TMBIM1: variants seen among roughly 807,000 people sequenced by gnomAD.
TMBIM1 encodes the protein protein lifeguard 3.
Under a neutral mutation model 45.1 loss-of-function variants are expected in TMBIM1, and 34 were observed. The observed-to-expected ratio is 0.75, with a 90% CI of 0.57 to 1.00. TMBIM1 has a LOEUF of 1.00. Ranked by LOEUF, TMBIM1 falls within the 50% of genes least tolerant of loss-of-function variation. The pLI, the probability that TMBIM1 is intolerant of heterozygous loss-of-function variation, is 0.00. For synonymous variants in TMBIM1, 157 were observed against 153.5 expected, an observed-to-expected ratio of 1.02 and a Z score of -0.17; for missense variants, 374 against 402.4, an observed-to-expected ratio of 0.93 and a Z score of 0.60.
At chr2:218,281,563 G>A (rs1691995929) in intron 2 of TMBIM1, among the ~76,000 whole-genome samples, 1 of 152,246 alleles carries the variant, frequency 6.6e-6, no homozygotes, top group South Asian at 2.1e-4. Context: ...GGTTCCCAAA[G>A]GAGTTCCTAA....
At position 218,288,211 on chromosome 2, in the gene TMBIM1, G is replaced by A. The variant is rs576652255; in HGVS notation, c.-41+4255C>T. ...TGGGAGGCCAAGGCGGGCGGATCAC[G>A]AGGTCAGGAGATCGAGACCATCCTG... On this transcript the variant is annotated intron_variant, in intron 1 of 11. Transcript: ENST00000258412. Among the ~76,000 whole-genome samples the A allele has an allele frequency of 3.0e-3, 464 of 152,142 alleles. 3 individuals carry two copies. Among genetic ancestry groups the A allele is most frequent in the African/African-American group, 9.8e-3 (405 of 41,514 alleles).
chr2:218,289,590 C>T (rs1275154546), intron 1 of TMBIM1, among the ~76,000 whole-genome samples: 2 of 126,216 alleles, frequency 1.6e-5, no homozygotes, highest in African/African-American at 3.0e-5. Flanking sequence ...TGCAGTGAGC[C>T]GAGACCATGC....
rs773236161 is a variant in TMBIM1, at chr2:218,279,365, C to T, written c.304-12G>A. 6 of 1,557,444 alleles carry T rather than the reference C, an allele frequency of 3.9e-6. No individual in the cohort carries two copies. Among genetic ancestry groups the T allele is most frequent in the South Asian group, 2.5e-5 (2 of 81,432 alleles). ...ATGATGGAGTAAACCTGGACACAGACGGCCGGGCATGGGTCACCATCCGGC... is the reference window on the plus strand; with the variant it reads ...ATGATGGAGTAAACCTGGACACAGATGGCCGGGCATGGGTCACCATCCGGC... On this transcript the variant is annotated splice_polypyrimidine_tract_variant and intron_variant, in intron 3 of 11. Coordinates refer to ENST00000258412, the MANE Select transcript of TMBIM1 (RefSeq NM_022152.6).
chr2:218,275,664 T>C, intron 11 of TMBIM1, 43 bp from the exon 12 acceptor site: 1 of 1,582,788 alleles, frequency 6.3e-7, no homozygotes, highest in South Asian at 1.2e-5. Context: ...CAGGCATCAG[T>C]GTCCAGAGCT....
At position 218,280,014 on chromosome 2, in the gene TMBIM1, C is replaced by T. The variant is rs776647484; in HGVS notation, c.303+12G>A. ...GGCCCCAGGTACACCCACCTCCCAGCGCGTATCTTACCTTTCGGATAAAAG... is the reference window on the plus strand; with the variant it reads ...GGCCCCAGGTACACCCACCTCCCAGTGCGTATCTTACCTTTCGGATAAAAG... On this transcript the variant is annotated intron_variant, in intron 3 of 11. Transcript: ENST00000258412. 3.1e-6 allele frequency: 5 copies of T among 1,611,862 alleles called. No homozygotes were observed. Among genetic ancestry groups the T allele is most frequent in the South Asian group, 1.1e-5 (1 of 91,036 alleles).
At chr2:218,282,247 C>T in intron 1 of TMBIM1, 66 bp from the exon 2 acceptor site, 1 of 933,982 alleles carries the variant, frequency 1.1e-6, no homozygotes, top group East Asian at 3.2e-5. Flanking sequence ...CTCATGGGCC[C>T]ACTTCCAGCC....
At chr2:218,282,784 AG>A (rs1239265703) in intron 1 of TMBIM1, among the ~76,000 whole-genome samples, 5 of 152,226 alleles carry the variant, frequency 3.3e-5, no homozygotes, top group Non-Finnish European at 7.4e-5. Context: ...GGCCAGTGGC[AG>A]GCTGAGTCAG....
intron 6 of TMBIM1, 106 bp downstream of exon 6, chr2:218,278,409 G>T (rs137970592): frequency 5.1e-6 from 6 of 1,182,660 alleles, no homozygotes; most frequent in Middle Eastern, 1.9e-4. Flanking sequence ...CTCATTTCTT[G>T]TAAGTTTCCA....
rs140776569 is a variant in TMBIM1 at position 218,291,939 on chromosome 2, AC to A, written c.-41+526del. ...GCTTCTGCCCCAGCTGCAAGCTAGGACCCCCCCTTCCCCACCCCTTAAATAT... is the reference window on the plus strand; with the variant it reads ...GCTTCTGCCCCAGCTGCAAGCTAGGACCCCCCTTCCCCACCCCTTAAATAT... On this transcript the variant is annotated intron_variant, in intron 1 of 11. Coordinates refer to ENST00000258412, the MANE Select transcript of TMBIM1 (RefSeq NM_022152.6). Among the ~76,000 whole-genome samples the A allele has an allele frequency of 2.1e-3, 313 of 150,428 alleles. 1 individual carries two copies. The highest frequency in any genetic ancestry group is 3.5e-3 in the Non-Finnish European group (234 of 67,512).
At chr2:218,276,128 C>T (rs1321968401) in intron 10 of TMBIM1, 49 bp from the exon 11 acceptor site, 1 of 1,585,160 alleles carries the variant, frequency 6.3e-7, no homozygotes, top group East Asian at 2.3e-5. Flanking sequence ...CAGCAAACCA[C>T]AGGCCCACAG....
intron 1 of TMBIM1, among the ~76,000 whole-genome samples, chr2:218,287,958 T>A (rs1692650806): frequency 6.6e-6 from 1 of 152,214 alleles, no homozygotes; most frequent in Non-Finnish European, 1.5e-5. Flanking sequence ...CAAGTCAGGA[T>A]GGCCTGGGAG....
At position 218,282,007 on chromosome 2, in the gene TMBIM1, A is replaced by G; in HGVS notation, c.135T>C (p.Pro45=). The change falls in exon 2 of 12, where the codon CCT becomes CCC. Residue 45 remains proline (P), a synonymous_variant. Transcript: ENST00000258412. ...GYPAYPGYPQ[P]GYGHPAGYPQ... ...GGTAGCCAGCAGGGTGACCGTAGCC[A>G]GGCTGCGGGTAGCCAGGGTAGGCAG... The G allele has an allele frequency of 6.2e-7, 1 of 1,607,826 alleles. No individual in the cohort carries two copies. Among genetic ancestry groups the G allele is most frequent in the African/African-American group, 1.3e-5 (1 of 74,928 alleles).
chr2:218,288,298 G>A (rs1411806906), intron 1 of TMBIM1, among the ~76,000 whole-genome samples: 5 of 151,986 alleles, frequency 3.3e-5, no homozygotes, highest in South Asian at 4.1e-4. Context: ...ATGTGGTGGC[G>A]GACGCCTGTA....
In TMBIM1 at chr2:218,282,009, G is replaced by T; in HGVS notation, c.133C>A (p.Pro45Thr). The T allele has an allele frequency of 6.2e-7, 1 of 1,607,864 alleles. No individual in the cohort carries two copies. The highest frequency in any genetic ancestry group is 8.5e-7 in the Non-Finnish European group (1 of 1,178,134). ...GYPAYPGYPQ[P>T]GYGHPAGYPQ... The stretch of plus-strand genomic sequence containing the variant: ...TAGCCAGCAGGGTGACCGTAGCCAG[G>T]CTGCGGGTAGCCAGGGTAGGCAGGA... The change falls in exon 2 of 12, where the codon CCT becomes ACT. Residue 45 changes from proline (P) to threonine (T), a missense_variant. Pro to Thr is a conservative substitution (Grantham distance 38, BLOSUM62 -1). Coordinates refer to ENST00000258412, the MANE Select transcript of TMBIM1 (RefSeq NM_022152.6).
At chr2:218,278,677 G>A in intron 5 of TMBIM1, 112 bp from the exon 6 acceptor site, 1 of 1,174,174 alleles carries the variant, frequency 8.5e-7, no homozygotes, top group Non-Finnish European at 1.3e-6. Context: ...CTGAGGGGAA[G>A]CAACTCAACA....
chr2:218,283,091 C>CA (rs1460217352), intron 1 of TMBIM1, among the ~76,000 whole-genome samples: 15 of 152,200 alleles, frequency 9.9e-5, no homozygotes, highest in Admixed American at 7.2e-4. Context: ...GCAGGGAGGA[C>CA]AAAGAGCTGA....
chr2:218,290,217 A>G (rs991901736), intron 1 of TMBIM1: 2 of 152,258 alleles, frequency 1.3e-5, no homozygotes, highest in African/African-American at 4.8e-5. Context: ...GAAATTCACA[A>G]TGGCATATTC....
intron 5 of TMBIM1, 148 bp downstream of exon 5, chr2:218,278,890 A>G: frequency 2.3e-6 from 2 of 888,432 alleles, no homozygotes; most frequent in Non-Finnish European, 3.5e-6. Flanking sequence ...GGGCACGCAC[A>G]CCCACACCCT....
chr2:218,277,200 A>G, intron 9 of TMBIM1, 101 bp from the exon 10 acceptor site: 1 of 1,187,890 alleles, frequency 8.4e-7, no homozygotes, highest in Non-Finnish European at 1.3e-6. Flanking sequence ...CCTAGGGGGT[A>G]TGGGAATGTC....
Sources: allele counts gnomAD v4.1 joint callset (sites outside exome capture counted in the v4.1 genomes callset), GRCh38; gene constraint gnomAD v4.1.1; transcripts MANE v1.5; gene names NCBI Gene and HGNC (gene_info 2026-07-23, HGNC 2026-07-21).